Variants in EXT1 observed in about 807,000 individuals in gnomAD.
EXT1 encodes exostosin glycosyltransferase 1.
A neutral mutation model predicts 82.5 loss-of-function variants in EXT1; 20 were observed. That is an observed-to-expected ratio of 0.24 (90% CI 0.17 to 0.35). The LOEUF is 0.35. EXT1 is among the 10% of genes least tolerant of loss of function. EXT1 has a pLI of 1.00. For missense variants in EXT1, 757 were observed against 936.5 expected (o/e 0.81, Z 2.50); for synonymous variants, 348 against 350.8 (o/e 0.99, Z 0.09).
intron 1 of EXT1, among the ~76,000 whole-genome samples, chr8:117,935,321 CTT>C (rs3049789): frequency 0.087 from 10,812 of 123,960 alleles, 1,329 homozygotes; most frequent in African/African-American, 0.29. Flanking sequence ...TTATCTATCA[CTT>C]TTTTTTTTTT....
At chr8:117,983,866 G>C (rs1401947499) in intron 1 of EXT1, among the ~76,000 whole-genome samples, 1 of 152,152 alleles carries the variant, frequency 6.6e-6, no homozygotes, top group Admixed American at 6.5e-5. Flanking sequence ...AACGTTGGCT[G>C]ATTTTGTTTA....
At chr8:117,939,051 T>TTTC (rs1262642514) in intron 1 of EXT1, among the ~76,000 whole-genome samples, 6 of 152,074 alleles carry the variant, frequency 3.9e-5, no homozygotes, top group Non-Finnish European at 7.4e-5. Flanking sequence ...GCTGTTTTTT[T>TTTC]TTCCCCCCAA....
chr8:117,978,879 C>A (rs1815123912), intron 1 of EXT1, among the ~76,000 whole-genome samples: 1 of 152,116 alleles, frequency 6.6e-6, no homozygotes, highest in African/African-American at 2.4e-5. Context: ...TTCCCTCTGA[C>A]CTTGTAATGG....
chr8:117,947,321 C>G (rs1022804184), intron 1 of EXT1, among the ~76,000 whole-genome samples: 13 of 152,104 alleles, frequency 8.5e-5, no homozygotes, highest in African/African-American at 2.7e-4. Context: ...TTTTTTCTTT[C>G]TTTCCTTTAA....
chr8:117,823,229 T>C (rs910726357), intron 4 of EXT1, among the ~76,000 whole-genome samples: 3 of 152,168 alleles, frequency 2.0e-5, no homozygotes, highest in African/African-American at 7.2e-5. Flanking sequence ...TCCTACATAA[T>C]AGGACAAGAA....
rs1219223844 is a variant in EXT1, at chr8:117,797,783, G to A, written c.*1929C>T. 5.9e-5 allele frequency: 9 copies of A among 152,180 alleles called. No homozygotes were observed. The highest frequency in any genetic ancestry group is 1.3e-4 in the Non-Finnish European group (9 of 68,038). 9.4% of individuals were successfully genotyped at this position (152,180 alleles called of 1,614,324 possible). Reference sequence around the variant, plus strand: ...ATTATTTTTCAACAAATGCCTAAGAGATAATCACATCTACTTAGGGGAAAA... The same window carrying A: ...ATTATTTTTCAACAAATGCCTAAGAAATAATCACATCTACTTAGGGGAAAA... On this transcript the variant is annotated 3_prime_UTR_variant, in exon 11 of 11. Transcript: ENST00000378204.
At chr8:117,903,466 T>A (rs1280193942) in intron 1 of EXT1, among the ~76,000 whole-genome samples, 1 of 152,310 alleles carries the variant, frequency 6.6e-6, no homozygotes, top group East Asian at 1.9e-4. Flanking sequence ...TATTAGAACA[T>A]TGTATAAGTT....
At chr8:117,888,680 C>T (rs932146860) in intron 1 of EXT1, among the ~76,000 whole-genome samples, 7 of 152,134 alleles carry the variant, frequency 4.6e-5, no homozygotes, top group African/African-American at 1.2e-4. Flanking sequence ...TTTCTCTTTA[C>T]GGTGGACTCT....
intron 1 of EXT1, among the ~76,000 whole-genome samples, chr8:117,984,394 A>G (rs1586325072): frequency 6.6e-6 from 1 of 151,054 alleles, no homozygotes; most frequent in Admixed American, 6.6e-5. Flanking sequence ...ATGCCACTGC[A>G]CTCCAGCCTG....
At chr8:118,061,017 C>T (rs1816872757) in intron 1 of EXT1, among the ~76,000 whole-genome samples, 3 of 152,182 alleles carry the variant, frequency 2.0e-5, no homozygotes, top group South Asian at 4.1e-4. Flanking sequence ...ATGCCTGAGA[C>T]TGAAATGAGG....
intron 1 of EXT1, among the ~76,000 whole-genome samples, chr8:117,971,412 C>T (rs1397530312): frequency 6.6e-6 from 1 of 152,108 alleles, no homozygotes; most frequent in African/African-American, 2.4e-5. Flanking sequence ...GATGTATGTT[C>T]CCTGATCAAA....
intron 1 of EXT1, among the ~76,000 whole-genome samples, chr8:118,067,058 C>T (rs1817001906): frequency 6.6e-6 from 1 of 152,190 alleles, no homozygotes; most frequent in African/African-American, 2.4e-5. Context: ...CAATTCTCTC[C>T]CTAAATGCAC....
rs531393854 is a variant in EXT1, at chr8:118,037,842, T to TG, written c.962+72242_962+72243insC. ...ATCAACAAGAGTGTTTTTTGTTTTT[T>TG]TTTTTTTTTTTTTTTGAGATGGAGT... On this transcript the variant is annotated intron_variant, in intron 1 of 10. Coordinates refer to ENST00000378204, the MANE Select transcript of EXT1 (RefSeq NM_000127.3). 3.6e-3 allele frequency among the ~76,000 whole-genome samples: 522 copies of TG among 144,816 alleles called. 9 individuals carry two copies. Among genetic ancestry groups the TG allele is most frequent in the South Asian group, 0.022 (101 of 4,510 alleles).
intron 1 of EXT1, among the ~76,000 whole-genome samples, chr8:117,965,733 T>TC (rs1398677741): frequency 1.3e-5 from 2 of 152,320 alleles, no homozygotes; most frequent in African/African-American, 4.8e-5. Context: ...CTTGAGCTTT[T>TC]CTCTAATACC....
intron 1 of EXT1, among the ~76,000 whole-genome samples, chr8:118,108,839 C>A (rs1311484155): frequency 1.3e-5 from 2 of 152,160 alleles, no homozygotes; most frequent in Non-Finnish European, 2.9e-5. Flanking sequence ...ATCAGGTTTG[C>A]GAAACATTTC....
intron 1 of EXT1, among the ~76,000 whole-genome samples, chr8:117,875,353 G>A (rs868098864): frequency 2.4e-4 from 37 of 152,006 alleles, no homozygotes; most frequent in African/African-American, 8.5e-4. Context: ...CCCGGGAGGT[G>A]GAGGTTGCAG....
At chr8:118,064,586 C>T (rs1449544039) in intron 1 of EXT1, among the ~76,000 whole-genome samples, 1 of 152,138 alleles carries the variant, frequency 6.6e-6, no homozygotes, top group Admixed American at 6.6e-5. Context: ...CATTGATGGG[C>T]ATCTGGGTTG....
chr8:117,845,112 T>G lies in EXT1; in HGVS notation c.963-7911A>C, dbSNP rs755722346. On this transcript the variant is annotated intron_variant, in intron 1 of 10. Transcript: ENST00000378204. ...CACAGAAGAGAGTCTCCTTTTCATG[T>G]CCTCTTAAAATCCATTTCAGCATAG... is the stretch of plus-strand genomic sequence containing the variant. 3.7e-4 allele frequency among the ~76,000 whole-genome samples: 56 copies of G among 152,174 alleles called. 2 individuals are homozygous for G. The highest frequency in any genetic ancestry group is 1.5e-4 in the Non-Finnish European group (10 of 68,032).
At chr8:118,107,594 A>G (rs533293050) in intron 1 of EXT1, among the ~76,000 whole-genome samples, 1 of 152,232 alleles carries the variant, frequency 6.6e-6, no homozygotes, top group Non-Finnish European at 1.5e-5. Context: ...TCCAGAAAGC[A>G]TCAATATAAG....
Sources: gnomAD v4.1 joint callset for allele counts (sites outside exome capture counted in the v4.1 genomes callset) on GRCh38, gnomAD v4.1.1 for gene constraint, MANE v1.5 for transcripts, NCBI Gene and HGNC (gene_info 2026-07-23, HGNC 2026-07-21) for gene names.